The following GRIK4 variants were observed in gnomAD, a reference collection of about 807,000 sequenced individuals.
GRIK4 encodes the protein glutamate ionotropic receptor kainate type subunit 4.
In GRIK4, 40 loss-of-function variants were observed where a neutral mutation model predicts 104.9. The observed-to-expected ratio is 0.38, with a 90% CI of 0.30 to 0.50. The LOEUF (loss-of-function observed/expected upper bound fraction) is 0.50, where lower values mean the gene tolerates loss of function less well. Among genes scored for constraint, GRIK4 ranks in the 20% least tolerant of loss-of-function variants. The pLI, the probability that GRIK4 is intolerant of heterozygous loss-of-function variation, is 0.93. For synonymous variants in GRIK4, 485 were observed against 524.9 expected (o/e 0.92, Z 1.04); for missense variants, 1,047 against 1,308.1 (o/e 0.80, Z 3.08).
intron 1 of GRIK4, among the ~76,000 whole-genome samples, chr11:120,574,544 A>G (rs1948452813): frequency 6.6e-6 from 1 of 152,144 alleles, no homozygotes; most frequent in Non-Finnish European, 1.5e-5. Flanking sequence ...GGGAAGGCCA[A>G]CACCCTCTAC....
intron 18 of GRIK4, among the ~76,000 whole-genome samples, chr11:120,966,856 C>T (rs1204619271): frequency 4.6e-5 from 7 of 151,988 alleles, no homozygotes; most frequent in Non-Finnish European, 7.4e-5. Context: ...TGATGGTGCC[C>T]GGCTGGGGAA....
chr11:120,773,862 A>G (rs970714034), intron 3 of GRIK4, among the ~76,000 whole-genome samples: 1 of 152,252 alleles, frequency 6.6e-6, no homozygotes, highest in African/African-American at 2.4e-5. Context: ...AAACATTTGT[A>G]TAGAAAGTGG....
intron 3 of GRIK4, among the ~76,000 whole-genome samples, chr11:120,718,209 T>C (rs1950870155): frequency 6.6e-6 from 1 of 152,002 alleles, no homozygotes; most frequent in South Asian, 2.1e-4. Context: ...GAGTTCCTAA[T>C]ATGTCCCCTC....
chr11:120,971,743 C>T (rs1257701736), intron 19 of GRIK4, among the ~76,000 whole-genome samples: 1 of 152,162 alleles, frequency 6.6e-6, no homozygotes, highest in Non-Finnish European at 1.5e-5. Context: ...GTGGAATGGT[C>T]AGGGAAGGCT....
chr11:120,895,466 A>G (rs943241838), intron 11 of GRIK4, among the ~76,000 whole-genome samples: 3 of 152,180 alleles, frequency 2.0e-5, no homozygotes, highest in Admixed American at 6.5e-5. Context: ...CTTTGAGGAC[A>G]ATAATTTCAC....
At chr11:120,643,825 T>C (rs1213675379) in intron 1 of GRIK4, among the ~76,000 whole-genome samples, 1 of 152,234 alleles carries the variant, frequency 6.6e-6, no homozygotes, top group Non-Finnish European at 1.5e-5. Flanking sequence ...ACGTTAGTTC[T>C]AGTGCATCCC....
At chr11:120,785,431 G>A (rs1394540346) in intron 3 of GRIK4, among the ~76,000 whole-genome samples, 1 of 152,188 alleles carries the variant, frequency 6.6e-6, no homozygotes, top group Non-Finnish European at 1.5e-5. Context: ...TATCAATCAG[G>A]TATCCAGAGA....
chr11:120,916,225 T>G (rs1311725554), intron 13 of GRIK4, among the ~76,000 whole-genome samples: 1 of 152,210 alleles, frequency 6.6e-6, no homozygotes, highest in Non-Finnish European at 1.5e-5. Context: ...CCCAAGAAGC[T>G]AACGCCCAGG....
chr11:120,571,590 T>C (rs1252097122), intron 1 of GRIK4, among the ~76,000 whole-genome samples: 3 of 152,108 alleles, frequency 2.0e-5, no homozygotes, highest in Non-Finnish European at 4.4e-5. Flanking sequence ...CCCCAAGCTA[T>C]GATTCTAACT....
At chr11:120,900,876 C>T (rs1942716957) in intron 12 of GRIK4, among the ~76,000 whole-genome samples, 1 of 152,294 alleles carries the variant, frequency 6.6e-6, no homozygotes, top group Middle Eastern at 3.4e-3. Flanking sequence ...TGCGGTGTCG[C>T]TGTCCAGCAG....
chr11:120,520,007 C>T (rs2510875), intron 1 of GRIK4, among the ~76,000 whole-genome samples: 4,832 of 151,932 alleles, frequency 0.032, 240 homozygotes, highest in South Asian at 0.15. Context: ...ATTCTACTGC[C>T]TCAGCCTCCT....
chr11:120,516,365 G>A (rs1947724104), intron 1 of GRIK4, among the ~76,000 whole-genome samples: 1 of 152,220 alleles, frequency 6.6e-6, no homozygotes, highest in Admixed American at 6.5e-5. Flanking sequence ...AGAAGGGGCT[G>A]TGCAGGCAGG....
At chr11:120,762,663 A>G (rs1286280328) in intron 3 of GRIK4, among the ~76,000 whole-genome samples, 1 of 152,166 alleles carries the variant, frequency 6.6e-6, no homozygotes, top group African/African-American at 2.4e-5. Context: ...ATTGAATTTT[A>G]TCAAAGGCCT....
chr11:120,724,543 C>T (rs75904647), intron 3 of GRIK4, among the ~76,000 whole-genome samples: 2,475 of 152,244 alleles, frequency 0.016, 58 homozygotes, highest in African/African-American at 0.056. Flanking sequence ...ATGTGCCCGG[C>T]CTGGTACTGG....
At position 120,922,016 on chromosome 11, in the gene GRIK4, C is replaced by T. The variant is rs549372494; in HGVS notation, c.1476+16523C>T. Among the ~76,000 whole-genome samples the T allele has an allele frequency of 9.2e-5, 14 of 152,266 alleles. No homozygotes were observed. In the South Asian group the frequency reaches 2.9e-3, roughly 32 times the overall value. ...GAGGTCACAGAGCAAGTGCCCACCC[C>T]ACCCATCTGGACTTCGGAGCCACCT... On this transcript the variant is annotated intron_variant, in intron 13 of 20. Coordinates refer to ENST00000527524, the MANE Select transcript of GRIK4 (RefSeq NM_014619.5).
chr11:120,927,295 A>T (rs1056445807), intron 13 of GRIK4, among the ~76,000 whole-genome samples: 8 of 152,218 alleles, frequency 5.3e-5, no homozygotes, highest in Non-Finnish European at 1.2e-4. Flanking sequence ...GGCCGGGCAC[A>T]GTGGCTTACA....
intron 3 of GRIK4, among the ~76,000 whole-genome samples, chr11:120,661,062 CTTG>C (rs1326374067): frequency 6.6e-6 from 1 of 152,190 alleles, no homozygotes; most frequent in African/African-American, 2.4e-5. Context: ...CTGAACAAGA[CTTG>C]TCAACTGCAG....
intron 7 of GRIK4, among the ~76,000 whole-genome samples, chr11:120,834,432 T>G (rs1343881127): frequency 1.3e-5 from 2 of 152,222 alleles, no homozygotes; most frequent in African/African-American, 4.8e-5. Flanking sequence ...GGAGCCACAC[T>G]GATCAATGAG....
intron 3 of GRIK4, among the ~76,000 whole-genome samples, chr11:120,714,461 T>C (rs528105832): frequency 3.2e-4 from 49 of 152,366 alleles, no homozygotes; most frequent in African/African-American, 1.2e-3. Flanking sequence ...CCATGTGCTA[T>C]GAATCTAGTG....
Sources: allele counts gnomAD v4.1 joint callset (sites outside exome capture counted in the v4.1 genomes callset), GRCh38; gene constraint gnomAD v4.1.1; transcripts MANE v1.5; gene names NCBI Gene and HGNC (gene_info 2026-07-23, HGNC 2026-07-21).